Variants in ASCC3 observed in about 807,000 individuals in gnomAD.
ASCC3 encodes the protein activating signal cointegrator 1 complex subunit 3, also known as ASC-1 complex subunit P200.
ASCC3 carries 158 observed loss-of-function variants against 256.3 expected under a neutral mutation model. That is an observed-to-expected ratio of 0.62 (90% CI 0.54 to 0.70). The LOEUF is 0.70. Among genes scored for constraint, ASCC3 ranks in the 30% least tolerant of loss-of-function variants. ASCC3 has a pLI of 0.00. For missense variants in ASCC3, 2,259 were observed against 2,626.0 expected (o/e 0.86, Z 3.05); for synonymous variants, 948 against 883.4 (o/e 1.07, Z -1.30).
At chr6:100,701,585 C>T (rs118174637) in intron 13 of ASCC3, among the ~76,000 whole-genome samples, 1,667 of 152,224 alleles carry the variant, frequency 0.011, 13 homozygotes, top group Non-Finnish European at 0.014. Flanking sequence ...TTAAGCAACG[C>T]ATGTCAGTAC....
chr6:100,861,733 C>T (rs1207385578), intron 3 of ASCC3, among the ~76,000 whole-genome samples: 1 of 152,036 alleles, frequency 6.6e-6, no homozygotes, highest in Non-Finnish European at 1.5e-5. Flanking sequence ...TCAAAATAAT[C>T]CCTTAAACGC....
At chr6:100,715,948 C>T (rs1779068768) in intron 12 of ASCC3, among the ~76,000 whole-genome samples, 1 of 151,588 alleles carries the variant, frequency 6.6e-6, no homozygotes, top group African/African-American at 2.4e-5. Context: ...CTAAATGTTG[C>T]GAGAACACTA....
intron 4 of ASCC3, among the ~76,000 whole-genome samples, chr6:100,820,352 A>T (rs1035479045): frequency 3.3e-5 from 5 of 152,216 alleles, no homozygotes; most frequent in African/African-American, 1.2e-4. Context: ...TGGTCAACCA[A>T]TTTTTTAAAA....
At chr6:100,800,156 G>A (rs1206205314) in intron 6 of ASCC3, 144 bp downstream of exon 6, 2 of 782,556 alleles carry the variant, frequency 2.6e-6, no homozygotes, top group Non-Finnish European at 4.2e-6. Flanking sequence ...AGAAAATTAG[G>A]TATTCATAAA....
At chr6:100,693,922 C>A (rs961508463) in intron 13 of ASCC3, among the ~76,000 whole-genome samples, 1 of 152,052 alleles carries the variant, frequency 6.6e-6, no homozygotes, top group Non-Finnish European at 1.5e-5. Context: ...GAGAAATCCA[C>A]ATCTCTTTTC....
At chr6:100,585,607 G>T (rs566665783) in intron 36 of ASCC3, among the ~76,000 whole-genome samples, 11 of 152,278 alleles carry the variant, frequency 7.2e-5, no homozygotes, top group African/African-American at 2.2e-4. Context: ...CTCCAGCTTT[G>T]TTCCGTTGCT....
chr6:100,508,530 G>A lies in ASCC3; in HGVS notation c.*856C>T, dbSNP rs1263005421. 2 of 152,048 alleles carry A rather than the reference G, an allele frequency of 1.3e-5. No homozygotes were observed. The highest frequency in any genetic ancestry group is 2.4e-5 in the African/African-American group (1 of 41,416). The allele number at this position is 152,048 out of a possible 1,614,324, so 9.4% of individuals were successfully genotyped here. ...AAATTTTCTGTCTCAGATTTTTCCT[G>A]GAGAGCATAAAGACAAATAATTGTA... is the stretch of plus-strand genomic sequence containing the variant. On this transcript the variant is annotated 3_prime_UTR_variant, in exon 42 of 42. Transcript: ENST00000369162.
At chr6:100,612,896 TTA>T (rs1343407356) in intron 30 of ASCC3, among the ~76,000 whole-genome samples, 7 of 151,524 alleles carry the variant, frequency 4.6e-5, no homozygotes, top group Admixed American at 4.0e-4. Context: ...ATAAATATAT[TTA>T]TATGTGATTA....
chr6:100,811,834 C>T (rs778317956), intron 4 of ASCC3, among the ~76,000 whole-genome samples: 10 of 152,066 alleles, frequency 6.6e-5, no homozygotes, highest in Non-Finnish European at 1.2e-4. Flanking sequence ...GAGAGGAGCC[C>T]ATTGGGTTCA....
chr6:100,585,934 T>C (rs562060191), intron 36 of ASCC3, among the ~76,000 whole-genome samples: 42 of 152,244 alleles, frequency 2.8e-4, no homozygotes, highest in African/African-American at 9.1e-4. Flanking sequence ...TGATCTTTCT[T>C]CTGGAAGTTT....
At chr6:100,847,474 C>A (rs1214937654) in intron 4 of ASCC3, among the ~76,000 whole-genome samples, 1 of 152,050 alleles carries the variant, frequency 6.6e-6, no homozygotes, top group African/African-American at 2.4e-5. Context: ...ACCTACTTAG[C>A]TAATTCTCTA....
chr6:100,825,944 A>G (rs1163379807), intron 4 of ASCC3, among the ~76,000 whole-genome samples: 1 of 151,928 alleles, frequency 6.6e-6, no homozygotes, highest in Non-Finnish European at 1.5e-5. Flanking sequence ...TTCAAATATA[A>G]TTTGATCAGC....
chr6:100,543,134 T>C (rs76953489), intron 36 of ASCC3, among the ~76,000 whole-genome samples: 3,473 of 152,232 alleles, frequency 0.023, 55 homozygotes, highest in Non-Finnish European at 0.035. Context: ...CTCAAGTCTC[T>C]TATATAAAAT....
intron 36 of ASCC3, among the ~76,000 whole-genome samples, chr6:100,560,020 T>TA (rs772374862): frequency 1.6e-4 from 25 of 152,022 alleles, no homozygotes; most frequent in Non-Finnish European, 3.4e-4. Context: ...ATAAAACCAC[T>TA]AAAAATAGAA....
At chr6:100,581,446 T>C (rs1220222232) in intron 36 of ASCC3, among the ~76,000 whole-genome samples, 2 of 152,208 alleles carry the variant, frequency 1.3e-5, no homozygotes, top group African/African-American at 4.8e-5. Flanking sequence ...TTTTTTCTTG[T>C]AAATTTGTTT....
At chr6:100,645,357 A>G (rs1775327952) in intron 22 of ASCC3, among the ~76,000 whole-genome samples, 1 of 151,864 alleles carries the variant, frequency 6.6e-6, no homozygotes, top group Non-Finnish European at 1.5e-5. Context: ...AAACATTATT[A>G]TTATTATAAT....
At chr6:100,524,071 G>A (rs1168802255) in intron 37 of ASCC3, among the ~76,000 whole-genome samples, 1 of 152,196 alleles carries the variant, frequency 6.6e-6, no homozygotes, top group Middle Eastern at 3.4e-3. Flanking sequence ...GGGAACTTAA[G>A]CTTAAAGAAG....
intron 30 of ASCC3, among the ~76,000 whole-genome samples, chr6:100,617,238 C>T (rs1773713548): frequency 6.6e-6 from 1 of 152,004 alleles, no homozygotes; most frequent in African/African-American, 2.4e-5. Flanking sequence ...GAACTCCTGA[C>T]CTCAAATGAT....
rs888919066 is a variant in ASCC3, at chr6:100,781,715, G to T, written c.1396-14370C>A. ...TACATTTGTTCTTAAAACCAAAAAA[G>T]GTAGTTTCAAAACATACTTTTAATA... On this transcript the variant is annotated intron_variant, in intron 8 of 41. Transcript: ENST00000369162. Among the ~76,000 whole-genome samples the T allele has an allele frequency of 3.9e-5, 6 of 151,992 alleles. No homozygotes were observed. The South Asian group carries it at 1.2e-3, about 32-fold the overall frequency.
Sources: gnomAD v4.1 joint callset for allele counts (sites outside exome capture counted in the v4.1 genomes callset) on GRCh38, gnomAD v4.1.1 for gene constraint, MANE v1.5 for transcripts, NCBI Gene and HGNC (gene_info 2026-07-23, HGNC 2026-07-21) for gene names.